XRCC3: variants seen among roughly 807,000 people sequenced by gnomAD.
XRCC3 encodes X-ray repair cross complementing 3, also known as DNA repair protein XRCC3.
XRCC3 carries 34 observed loss-of-function variants against 29.2 expected under a neutral mutation model. The observed-to-expected ratio is 1.16, with a 90% CI of 0.88 to 1.55. The LOEUF is 1.55. Among genes scored for constraint, XRCC3 ranks in the 40% most tolerant of loss-of-function variants. The pLI is 0.00. For synonymous variants in XRCC3, 223 were observed against 211.3 expected, an observed-to-expected ratio of 1.06 and a Z score of -0.48; for missense variants, 463 against 467.6, an observed-to-expected ratio of 0.99 and a Z score of 0.09.
At chr14:103,711,317 T>C in intron 3 of XRCC3, 72 bp from the exon 4 acceptor site, 1 of 680,442 alleles carries the variant, frequency 1.5e-6, no homozygotes, top group South Asian at 1.5e-5. Context: ...GTCTGTCATT[T>C]ACCTCTAAGA....
chr14:103,704,689 G>A (rs539195766), intron 6 of XRCC3: 9 of 152,358 alleles, frequency 5.9e-5, no homozygotes, highest in Admixed American at 5.2e-4. Flanking sequence ...TGGGATTACA[G>A]GCATGAGGTA....
chr14:103,706,496 G>A lies in XRCC3; in HGVS notation c.406+507C>T, dbSNP rs906747361. 3 of 428,986 alleles carry A rather than the reference G, an allele frequency of 7.0e-6. 1 individual carries two copies. The highest frequency in any genetic ancestry group is 6.9e-4 in the Middle Eastern group (2 of 2,916). 26.6% of individuals were successfully genotyped at this position (428,986 alleles called of 1,614,324 possible). ...CTCACAGCTCACAGTTTAAAACTAC[G>A]TGAACTTTTAACACCTGAGAGACCC... On this transcript the variant is annotated intron_variant, in intron 6 of 9. Coordinates refer to ENST00000555055, the MANE Select transcript of XRCC3 (RefSeq NM_005432.4).
At chr14:103,707,462 C>T in intron 5 of XRCC3, 1 of 580,156 alleles carries the variant, frequency 1.7e-6, no homozygotes, top group South Asian at 2.0e-5. Context: ...AGGGATCCCC[C>T]TATGGGGCAA....
chr14:103,710,913 G>A (rs1365132261), intron 4 of XRCC3, 120 bp downstream of exon 4: 11 of 923,512 alleles, frequency 1.2e-5, no homozygotes, highest in African/African-American at 5.0e-5. Flanking sequence ...TCCCGCCCTC[G>A]GTTTAATAAT....
chr14:103,701,262 G>C, intron 7 of XRCC3: 4 of 1,535,360 alleles, frequency 2.6e-6, no homozygotes, highest in Non-Finnish European at 3.5e-6. Context: ...GCTGGCCCGG[G>C]ACAGCCAGGG....
intron 1 of XRCC3, chr14:103,713,994 C>T (rs2083718036): frequency 6.6e-6 from 1 of 152,212 alleles, no homozygotes; most frequent in Non-Finnish European, 1.5e-5. Context: ...CTCCCGCTCT[C>T]ACGCTCTCCA....
In XRCC3 at chr14:103,699,591, G is replaced by A. The variant is rs1289680720; in HGVS notation, c.562-15C>T. 3.1e-6 allele frequency: 5 copies of A among 1,612,068 alleles called. No homozygotes were observed. The highest frequency in any genetic ancestry group is 2.2e-5 in the East Asian group (1 of 44,854). On this transcript the variant is annotated splice_polypyrimidine_tract_variant and intron_variant, in intron 7 of 9. Transcript: ENST00000555055. ...AACAAGGTGTCCTGTGGGGACAGCTGTCATTGTCTATGCTGGTCAGCAAGT... is the reference window on the plus strand; with the variant it reads ...AACAAGGTGTCCTGTGGGGACAGCTATCATTGTCTATGCTGGTCAGCAAGT...
intron 1 of XRCC3, chr14:103,714,357 C>T (rs1455721698): frequency 1.3e-5 from 2 of 152,370 alleles, no homozygotes; most frequent in Non-Finnish European, 2.9e-5. Context: ...GGCTTCAACA[C>T]TGCTGATGCC....
rs1023899937 is a variant in XRCC3, at chr14:103,700,411, C to T, written c.562-835G>A. ...GCATGGCTGGCCTGGCCTCTGACCG[C>T]ACAGCTTGGTGAGCCATGGTGATGG... On this transcript the variant is annotated intron_variant, in intron 7 of 9. Transcript: ENST00000555055. The T allele has an allele frequency of 2.9e-5, 13 of 454,152 alleles. No homozygotes were observed. In the Admixed American group the frequency reaches 3.4e-4, roughly 12 times the overall value. The allele number at this position is 454,152 out of a possible 1,614,324, so 28.1% of individuals were successfully genotyped here. A position where few individuals can be genotyped will look rare whatever the true frequency, so the allele number is the denominator to read the frequency against.
intron 6 of XRCC3, chr14:103,705,465 CG>C (rs1425529204): frequency 2.0e-5 from 3 of 152,348 alleles, no homozygotes; most frequent in African/African-American, 7.2e-5. Context: ...GAGAGCCTCA[CG>C]CGGCTTAAGC....
At chr14:103,711,377 C>A (rs1294025463) in intron 3 of XRCC3, 89 bp downstream of exon 3, 1 of 617,912 alleles carries the variant, frequency 1.6e-6, no homozygotes, top group Non-Finnish European at 3.0e-6. Context: ...ATTTGAAAAA[C>A]CCCCCAAACC....
chr14:103,699,597 G>A (rs756184965), intron 7 of XRCC3, 21 bp from the exon 8 acceptor site: 1 of 1,611,986 alleles, frequency 6.2e-7, no homozygotes, highest in Non-Finnish European at 8.5e-7. Context: ...AGCTGTCATT[G>A]TCTATGCTGG....
At position 103,701,284 on chromosome 14, in the gene XRCC3, GC is replaced by G. The variant is rs2083179510; in HGVS notation, c.562-1709del. On this transcript the variant is annotated intron_variant, in intron 7 of 9. Transcript: ENST00000555055. ...CGGGACAGCCAGGGCGGCAGGGAGGGCCCCTGGCCGGGAGCCGCAGCGCTCA... is the reference window on the plus strand; with the variant it reads ...CGGGACAGCCAGGGCGGCAGGGAGGGCCCTGGCCGGGAGCCGCAGCGCTCA... 9 of 1,454,704 alleles carry G rather than the reference GC, an allele frequency of 6.2e-6. No individual in the cohort carries two copies. The Middle Eastern group carries it at 5.4e-4, about 87-fold the overall frequency. The allele number at this position is 1,454,704 out of a possible 1,614,324, so 90.1% of individuals were successfully genotyped here.
chr14:103,714,480 A>AAG (rs1234454576), intron 1 of XRCC3, among the ~76,000 whole-genome samples: 1 of 151,970 alleles, frequency 6.6e-6, no homozygotes, highest in African/African-American at 2.4e-5. Flanking sequence ...AAAAAAAAAA[A>AAG]AAAGAAAAAT....
At chr14:103,708,420 C>T in intron 5 of XRCC3, 102 bp downstream of exon 5, 1 of 1,554,242 alleles carries the variant, frequency 6.4e-7, no homozygotes, top group Non-Finnish European at 8.8e-7. Flanking sequence ...CGCCCTGAGG[C>T]TGGTCCCTGG....
chr14:103,707,505 C>G (rs1019041499), intron 5 of XRCC3: 6 of 521,102 alleles, frequency 1.2e-5, no homozygotes, highest in Non-Finnish European at 1.7e-5. Flanking sequence ...CCAAAGCTTC[C>G]AGAGAGCCCC....
intron 6 of XRCC3, chr14:103,706,184 T>A: frequency 2.6e-6 from 1 of 380,888 alleles, no homozygotes; most frequent in South Asian, 1.9e-5. Context: ...CAGCACACCC[T>A]GGGTCCTGGG....
intron 1 of XRCC3, chr14:103,713,713 C>G (rs1365074581): frequency 6.6e-6 from 1 of 152,310 alleles, no homozygotes; most frequent in Non-Finnish European, 1.5e-5. Flanking sequence ...TGAAGTGATT[C>G]ACAGCACTTA....
chr14:103,709,214 A>G (rs1411522714), intron 4 of XRCC3: 2 of 198,658 alleles, frequency 1.0e-5, no homozygotes, highest in Admixed American at 5.3e-5. Flanking sequence ...GCGAATCAGA[A>G]CGGCGGTGGC....
Sources: gnomAD v4.1 joint callset for allele counts (sites outside exome capture counted in the v4.1 genomes callset) on GRCh38, gnomAD v4.1.1 for gene constraint, MANE v1.5 for transcripts, NCBI Gene and HGNC (gene_info 2026-07-23, HGNC 2026-07-21) for gene names.